TANC2: variants seen among roughly 807,000 people sequenced by gnomAD.
TANC2 encodes protein TANC2.
TANC2 carries 26 observed loss-of-function variants against 210.5 expected under a neutral mutation model. That is an observed-to-expected ratio of 0.12 (90% confidence interval 0.09 to 0.17). The LOEUF is 0.17. Ranked by LOEUF, TANC2 falls within the 10% of genes least tolerant of loss-of-function variation. The pLI, the probability that TANC2 is intolerant of heterozygous loss-of-function variation, is 1.00. For synonymous variants in TANC2, 931 were observed against 967.1 expected (o/e 0.96, Z 0.69); for missense variants, 2,129 against 2,608.9 (o/e 0.82, Z 4.01).
chr17:63,211,112 A>G (rs10506519), intron 7 of TANC2, among the ~76,000 whole-genome samples: 4,381 of 152,098 alleles, frequency 0.029, 217 homozygotes, highest in African/African-American at 0.099. Context: ...TCTACTTTTC[A>G]TCTTGTTCTT....
intron 2 of TANC2, among the ~76,000 whole-genome samples, chr17:63,055,030 AT>A (rs1247047047): frequency 6.6e-6 from 1 of 152,206 alleles, no homozygotes; most frequent in Non-Finnish European, 1.5e-5. Context: ...CTTCGGCTAG[AT>A]TAAGTTATTT....
chr17:63,318,918 T>C (rs1301650090), intron 10 of TANC2, 39 bp from the exon 11 acceptor site: 1 of 1,610,224 alleles, frequency 6.2e-7, no homozygotes, highest in Non-Finnish European at 8.5e-7. Context: ...AAAGTTTTTA[T>C]GATTATCTGA....
intron 9 of TANC2, among the ~76,000 whole-genome samples, chr17:63,312,136 C>T (rs1487627159): frequency 2.0e-5 from 3 of 152,114 alleles, no homozygotes; most frequent in African/African-American, 4.8e-5. Flanking sequence ...AATCTATTAG[C>T]TATGAGACAC....
intron 8 of TANC2, among the ~76,000 whole-genome samples, chr17:63,252,346 G>A (rs1314602633): frequency 2.0e-5 from 3 of 151,986 alleles, no homozygotes; most frequent in South Asian, 2.1e-4. Flanking sequence ...ATCACCTCAA[G>A]CATTGATTAT....
chr17:63,139,956 T>G (rs141293758), intron 4 of TANC2, among the ~76,000 whole-genome samples: 1 of 152,128 alleles, frequency 6.6e-6, no homozygotes, highest in African/African-American at 2.4e-5. Context: ...ATTTCATTCA[T>G]TTGGTATAGG....
intron 3 of TANC2, among the ~76,000 whole-genome samples, chr17:63,080,928 T>C (rs1262246868): frequency 6.6e-6 from 1 of 152,188 alleles, no homozygotes; most frequent in Non-Finnish European, 1.5e-5. Context: ...AGTACTATTA[T>C]TTTCCTACAG....
chr17:63,184,343 A>G (rs928448275), intron 5 of TANC2, among the ~76,000 whole-genome samples: 2 of 152,200 alleles, frequency 1.3e-5, no homozygotes, highest in African/African-American at 4.8e-5. Context: ...AAAAGCATAA[A>G]CAAGTATTGT....
At chr17:63,279,953 G>A (rs1410063132) in intron 9 of TANC2, among the ~76,000 whole-genome samples, 1 of 152,044 alleles carries the variant, frequency 6.6e-6, no homozygotes, top group Non-Finnish European at 1.5e-5. Context: ...GGGGAAGTGG[G>A]GAGAAATGAA....
At chr17:63,229,721 T>C (rs2042420821) in intron 7 of TANC2, among the ~76,000 whole-genome samples, 1 of 152,024 alleles carries the variant, frequency 6.6e-6, no homozygotes, top group African/African-American at 2.4e-5. Flanking sequence ...CTAGATTTTC[T>C]AGTTTATTTG....
At chr17:63,244,859 C>G (rs922821642) in intron 8 of TANC2, among the ~76,000 whole-genome samples, 1 of 151,982 alleles carries the variant, frequency 6.6e-6, no homozygotes, top group African/African-American at 2.4e-5. Context: ...CTCATGATAG[C>G]GAATAAATCT....
At position 63,418,199 on chromosome 17, in the gene TANC2, G is replaced by A. The variant is rs1446405887; in HGVS notation, c.4168-108G>A. ...GTCAGGCACGTCTAGCGTCCCAGGC[G>A]TTCCATCCATGAATGTCAAAAAATG... On this transcript the variant is annotated intron_variant, in intron 26 of 27. Transcript: ENST00000689528. The surrounding 1 kb of genome is among the most constrained non-coding windows in gnomAD (Gnocchi z 4.6). The A allele has an allele frequency of 2.2e-5, 25 of 1,158,204 alleles. No homozygotes were observed. The highest frequency in any genetic ancestry group is 2.8e-5 in the Non-Finnish European group (23 of 811,720). 71.7% of individuals were successfully genotyped at this position (1,158,204 alleles called of 1,614,324 possible). A position where few individuals can be genotyped will look rare whatever the true frequency, so the allele number is the denominator to read the frequency against.
chr17:63,076,010 CTG>C (rs2036559586), intron 3 of TANC2, among the ~76,000 whole-genome samples: 1 of 152,056 alleles, frequency 6.6e-6, no homozygotes, highest in Non-Finnish European at 1.5e-5. Context: ...TAATTGAAAA[CTG>C]AACTCCAACA....
chr17:63,013,762 TAAAA>T (rs34126221), intron 2 of TANC2, among the ~76,000 whole-genome samples: 16 of 101,756 alleles, frequency 1.6e-4, no homozygotes, highest in Non-Finnish European at 2.8e-4. Context: ...ACCCTGTCTT[TAAAA>T]AAAAAAAAAA....
chr17:63,012,668 T>G (rs1232011200), intron 2 of TANC2, among the ~76,000 whole-genome samples: 3 of 152,160 alleles, frequency 2.0e-5, no homozygotes, highest in Non-Finnish European at 4.4e-5. Flanking sequence ...ATTTTATTTT[T>G]AGAGACAGGG....
At chr17:63,385,314 A>G (rs1567973059) in intron 15 of TANC2, among the ~76,000 whole-genome samples, 4 of 152,146 alleles carry the variant, frequency 2.6e-5, no homozygotes, top group African/African-American at 7.2e-5. Flanking sequence ...ATTCCTCAAA[A>G]GGTCTTGAGG....
intron 2 of TANC2, among the ~76,000 whole-genome samples, chr17:63,055,685 T>A (rs7214861): frequency 0.079 from 11,915 of 150,616 alleles, 714 homozygotes; most frequent in African/African-American, 0.17. Flanking sequence ...AGGCCTTCTG[T>A]TTTGTCCATA....
In TANC2 at chr17:63,314,520, G is replaced by A. The variant is rs761135261; in HGVS notation, c.1292G>A (p.Ser431Asn). Residue 431 changes from serine to asparagine, a missense_variant, in exon 10 of 28, where the codon AGT becomes AAT. Ser to Asn is a conservative substitution (Grantham distance 46, BLOSUM62 1). Coordinates refer to ENST00000689528, the Ensembl canonical transcript of TANC2. Reference sequence around the variant, plus strand: ...CACGAAATAGATGCTCAACTTCAAAGTTCAAATGCCAGCGTGAACCAAGGA... The same window carrying A: ...CACGAAATAGATGCTCAACTTCAAAATTCAAATGCCAGCGTGAACCAAGGA... 4 of 1,613,834 alleles carry A rather than the reference G, an allele frequency of 2.5e-6. No homozygotes were observed. In the African/African-American group the frequency reaches 4.0e-5, roughly 16 times the overall value.
rs555000953 is a variant in TANC2, at chr17:63,121,986, G to A, written c.322+22629G>A. The stretch of plus-strand genomic sequence containing the variant: ...CATCTCTTGCGGGGGGAGGGGGGAA[G>A]AGGGGGAGGGGAGGGTGCATATTTC... On this transcript the variant is annotated intron_variant, in intron 4 of 27. Coordinates refer to ENST00000689528, the Ensembl canonical transcript of TANC2. 1.1e-3 allele frequency among the ~76,000 whole-genome samples: 161 copies of A among 147,526 alleles called. 1 individual carries two copies. Among genetic ancestry groups the A allele is most frequent in the African/African-American group, 3.8e-3 (154 of 40,088 alleles).
At chr17:62,987,638 G>T (rs548146535) in intron 1 of TANC2, among the ~76,000 whole-genome samples, 1 of 152,188 alleles carries the variant, frequency 6.6e-6, no homozygotes, top group Non-Finnish European at 1.5e-5. Context: ...ATCCAGGTGG[G>T]AAGATAGGGC....
Sources: allele counts gnomAD v4.1 joint callset (sites outside exome capture counted in the v4.1 genomes callset), GRCh38; gene constraint gnomAD v4.1.1; non-coding constraint Gnocchi (gnomAD v3.1); transcripts MANE v1.5; gene names NCBI Gene and HGNC (gene_info 2026-07-23, HGNC 2026-07-21).